DIDO1: variants seen among roughly 807,000 people sequenced by gnomAD.
DIDO1 encodes death-inducer obliterator 1.
Under a neutral mutation model 99.4 loss-of-function variants are expected in DIDO1, and 16 were observed. That is an observed-to-expected ratio of 0.16 (90% CI 0.11 to 0.24). DIDO1 has a LOEUF of 0.24. Ranked by LOEUF, DIDO1 falls within the 10% of genes least tolerant of loss-of-function variation. DIDO1 has a pLI of 1.00. For synonymous variants in DIDO1, 1,366 were observed against 1,239.1 expected (o/e 1.10, Z -2.15); for missense variants, 2,996 against 3,014.0 (o/e 0.99, Z 0.14).
At chr20:62,937,828 C>T in exon 1 of DIDO1, 1 of 398,392 alleles carries the variant, frequency 2.5e-6, no homozygotes, top group South Asian at 1.3e-4. Flanking sequence ...ACGTCGCCAT[C>T]CCGGTTCCAG....
In DIDO1 at chr20:62,893,773, C is replaced by T. The variant is rs1034083537; in HGVS notation, c.2994G>A (p.Val998=). The stretch of plus-strand genomic sequence containing the variant: ...TCACAGAAGTCAAGACAGGCTTCGG[C>T]ACATCCTGTCTGGCTTCCACCATGT... ...STHMVEARQD[V]PKPVLTSVMV... The change falls in exon 12 of 16, where the codon GTG becomes GTA. Residue 998 remains valine, a synonymous_variant. Coordinates refer to ENST00000395343, the MANE Select transcript of DIDO1 (RefSeq NM_001193369.2). The T allele has an allele frequency of 1.1e-5, 18 of 1,614,226 alleles. No homozygotes were observed. In the South Asian group the frequency reaches 1.6e-4, roughly 15 times the overall value.
intron 4 of DIDO1, 126 bp downstream of exon 4, chr20:62,909,573 G>A (rs960683999): frequency 2.7e-6 from 3 of 1,128,358 alleles, no homozygotes; most frequent in Non-Finnish European, 3.8e-6. Context: ...GAGTGAGGCA[G>A]GAACCCGGGA....
chr20:62,910,732 T>C (rs1384171898), intron 3 of DIDO1, 42 bp downstream of exon 3: 2 of 1,578,302 alleles, frequency 1.3e-6, no homozygotes, highest in Middle Eastern at 1.7e-4. Context: ...AAAATTCTGT[T>C]TGCAACCCTG....
In DIDO1 at chr20:62,880,500, G is replaced by A. The variant is rs567529674; in HGVS notation, c.5456C>T (p.Pro1819Leu). The A allele has an allele frequency of 1.9e-6, 3 of 1,613,030 alleles. No individual in the cohort carries two copies. Among genetic ancestry groups the A allele is most frequent in the East Asian group, 4.5e-5 (2 of 44,870 alleles). ...SLFSGQHGPP[P>L]YGDSRGPSPS... ...TGAGGGGCCTCTGCTGTCCCCATAAGGAGGTGGCCCATGTTGCCCCGAGAA... is the reference window on the plus strand; with the variant it reads ...TGAGGGGCCTCTGCTGTCCCCATAAAGAGGTGGCCCATGTTGCCCCGAGAA... Residue 1819 changes from proline (P) to leucine (L), a missense_variant, in exon 16 of 16, where the codon CCT becomes CTT. By Grantham distance (98) the Pro-to-Leu change is moderately conservative. Transcript: ENST00000395343.
rs1384033989 is a variant in DIDO1, at chr20:62,911,808, ATAGT to A, written c.-2-198_-2-195del. ...GATGATTTGTAAAGATAATTTTAATATAGTTAAACAACTAACGTTTAGACAAAAA... is the reference window on the plus strand; with the variant it reads ...GATGATTTGTAAAGATAATTTTAATATAAACAACTAACGTTTAGACAAAAA... On this transcript the variant is annotated intron_variant, in intron 2 of 15. Transcript: ENST00000395343. This position sits in a 1 kb window ranked among gnomAD's most constrained non-coding sequence, Gnocchi z 7.0. Among the ~76,000 whole-genome samples, 3 of 152,386 alleles carry A rather than the reference ATAGT, an allele frequency of 2.0e-5. No homozygotes were observed. In the East Asian group the frequency reaches 5.8e-4, roughly 29 times the overall value.
chr20:62,881,445 C>G lies in DIDO1; in HGVS notation c.4511G>C (p.Arg1504Thr), dbSNP rs774954732. ...GGCCATGGAGACCCCGACGGCGGCC[C>G]TCTGCTGCCTGAGAGCTTCTTCTTG... ...EEQEEALRQQ[R>T]AAVGVSMAHF... is the part of the protein sequence containing the mutation. Residue 1504 changes from arginine (R) to threonine (T), a missense_variant, in exon 16 of 16, where the codon AGG becomes ACG. Around this residue, in one of 5 missense-constraint regions of DIDO1, gnomAD observed 1,562 missense variants for 1,412.6 expected, o/e 1.11. Coordinates refer to ENST00000395343, the MANE Select transcript of DIDO1 (RefSeq NM_001193369.2). This position sits in a 1 kb window ranked among gnomAD's most constrained non-coding sequence, Gnocchi z 8.3. 6.2e-7 allele frequency: 1 copy of G among 1,609,366 alleles called. No individual in the cohort carries two copies.
Position 62,910,021 on chromosome 20 carries a change from CTGAAAT to C in DIDO1, c.840-7_840-2del. On this transcript the variant is annotated splice_acceptor_variant and splice_polypyrimidine_tract_variant and intron_variant, in intron 3 of 15. Coordinates refer to ENST00000395343, the MANE Select transcript of DIDO1 (RefSeq NM_001193369.2). LOFTEE classifies it high-confidence loss of function. ...ACAGCGGTCACAGCAAATCATAAAC[CTGAAAT>C]TATAAAATAACGGTATTAGCAATGG... 1 of 1,601,634 alleles carries C rather than the reference CTGAAAT, an allele frequency of 6.2e-7. No individual in the cohort carries two copies. The highest frequency in any genetic ancestry group is 8.5e-7 in the Non-Finnish European group (1 of 1,175,586).
rs1303304417 is a variant in DIDO1, at chr20:62,880,334, C to T, written c.5622G>A (p.Glu1874=). 1.9e-6 allele frequency: 3 copies of T among 1,612,724 alleles called. No homozygotes were observed. The highest frequency in any genetic ancestry group is 1.1e-5 in the South Asian group (1 of 91,094). Residue 1874 remains glutamate, a synonymous_variant, in exon 16 of 16, where the codon GAG becomes GAA. Coordinates refer to ENST00000395343, the MANE Select transcript of DIDO1 (RefSeq NM_001193369.2). ...TGAPAQFEGT[E]QAPFLGSRGG... ...CTCTGCTTCCCAGAAATGGGGCTTG[C>T]TCTGTCCCTTCAAACTGGGCGGGGG... is the stretch of plus-strand genomic sequence containing the variant.
At chr20:62,898,379 C>T (rs959481047) in intron 6 of DIDO1, among the ~76,000 whole-genome samples, 1 of 152,210 alleles carries the variant, frequency 6.6e-6, no homozygotes, top group Non-Finnish European at 1.5e-5. Context: ...CCCAACTTCC[C>T]AGATAAGTAC....
At chr20:62,895,827 GGCT>G (rs1568846928) in intron 8 of DIDO1, among the ~76,000 whole-genome samples, 1 of 152,176 alleles carries the variant, frequency 6.6e-6, no homozygotes, top group African/African-American at 2.4e-5. Context: ...AGGCTCACTC[GGCT>G]GATGAGGAAT....
chr20:62,887,767 C>A (rs1600918696), intron 15 of DIDO1: 1 of 985,492 alleles, frequency 1.0e-6, no homozygotes, highest in Non-Finnish European at 1.2e-6. Flanking sequence ...CAGGCCGGGA[C>A]TCTGCGACCC....
chr20:62,897,420 C>A (rs576360489), intron 6 of DIDO1, among the ~76,000 whole-genome samples: 1 of 152,194 alleles, frequency 6.6e-6, no homozygotes, highest in Non-Finnish European at 1.5e-5. Context: ...CGTTTAGAAG[C>A]GTAAAACAGG....
chr20:62,934,898 C>T (rs2065366680), intron 1 of DIDO1, among the ~76,000 whole-genome samples: 1 of 152,226 alleles, frequency 6.6e-6, no homozygotes, highest in Non-Finnish European at 1.5e-5. Flanking sequence ...TGCTACCCTT[C>T]ATAGGCAGCT....
rs749350179 is a variant in DIDO1, at chr20:62,880,765, C to T, written c.5191G>A (p.Glu1731Lys). The part of the protein sequence containing the change: ...GDREPQARPG[E>K]GTAPLPPPGQ... ...GGTGGGGGGAGCGGGGCGGTGCCCT[C>T]GCCGGGTCTGGCCTGTGGCTCTCTG... Residue 1731 changes from glutamate (E) to lysine (K), a missense_variant, in exon 16 of 16, where the codon GAG becomes AAG. Physicochemically the swap from Glu to Lys is moderately conservative, Grantham distance 56. Transcript: ENST00000395343. 74 of 1,612,496 alleles carry T rather than the reference C, an allele frequency of 4.6e-5. No individual in the cohort carries two copies. The highest frequency in any genetic ancestry group is 6.7e-5 in the East Asian group (3 of 44,866).
intron 15 of DIDO1, among the ~76,000 whole-genome samples, chr20:62,885,869 G>GGT (rs2064289085): frequency 6.6e-6 from 1 of 152,230 alleles, no homozygotes; most frequent in African/African-American, 2.4e-5. Flanking sequence ...TGGAGGAAAG[G>GGT]GTGTGCCTGC....
chr20:62,881,311 G>A lies in DIDO1; in HGVS notation c.4645C>T (p.Pro1549Ser), dbSNP rs561425963. The A allele has an allele frequency of 1.2e-5, 20 of 1,604,770 alleles. No individual in the cohort carries two copies. The highest frequency in any genetic ancestry group is 1.6e-4 in the Middle Eastern group (1 of 6,062). ...TGGTTTGACGCCTGGCTGGCGGGGG[G>A]CAGTGAGGCGGGCTTGTCTGCAGAC... is the stretch of plus-strand genomic sequence containing the variant. ...QQSADKPASL[P>S]PASQASNHRD... The change falls in exon 16 of 16, where the codon CCC (proline) becomes TCC (serine). Residue 1549 changes from proline (P) to serine (S), a missense_variant. Transcript: ENST00000395343. This position sits in a 1 kb window ranked among gnomAD's most constrained non-coding sequence, Gnocchi z 8.3.
intron 6 of DIDO1, among the ~76,000 whole-genome samples, chr20:62,902,361 T>A (rs1460870454): frequency 1.3e-5 from 2 of 152,216 alleles, no homozygotes; most frequent in African/African-American, 2.4e-5. Context: ...ATATTCTTTC[T>A]CAGAACAAAT....
At chr20:62,885,748 T>C (rs2064286873) in intron 15 of DIDO1, among the ~76,000 whole-genome samples, 1 of 152,246 alleles carries the variant, frequency 6.6e-6, no homozygotes, top group Non-Finnish European at 1.5e-5. Context: ...TCATGTTTGT[T>C]ATTATGTATG....
At position 62,880,384 on chromosome 20, in the gene DIDO1, C is replaced by A. The variant is rs764287999; in HGVS notation, c.5572G>T (p.Ala1858Ser). Residue 1858 changes from alanine (A) to serine (S), a missense_variant, in exon 16 of 16, where the codon GCC (alanine) becomes TCC (serine). By Grantham distance (99) the Ala-to-Ser change is moderately conservative. Coordinates refer to ENST00000395343, the MANE Select transcript of DIDO1 (RefSeq NM_001193369.2). The stretch of plus-strand genomic sequence containing the variant: ...GCGCCCGTCACCTCGTTATACGGGG[C>A]GTCCTGGAACTCCCTCTTCTCCCCA... ...PHGEKREFQD[A>S]PYNEVTGAPA... is the part of the protein sequence containing the mutation. The A allele has an allele frequency of 6.2e-7, 1 of 1,612,874 alleles. No homozygotes were observed. The highest frequency in any genetic ancestry group is 1.7e-5 in the Admixed American group (1 of 60,036).
Sources: allele counts gnomAD v4.1 joint callset (sites outside exome capture counted in the v4.1 genomes callset), GRCh38; gene constraint gnomAD v4.1.1; regional missense constraint gnomAD v4.1.1; non-coding constraint Gnocchi (gnomAD v3.1); transcripts MANE v1.5; gene names NCBI Gene and HGNC (gene_info 2026-07-23, HGNC 2026-07-21).